Variants in TPP1 observed in about 807,000 individuals in gnomAD.
TPP1 encodes the protein tripeptidyl-peptidase 1.
TPP1 carries 43 observed loss-of-function variants against 67.6 expected under a neutral mutation model. That is an observed-to-expected ratio of 0.64 (90% CI 0.50 to 0.82). The LOEUF (loss-of-function observed/expected upper bound fraction) is 0.82. Ranked by LOEUF, TPP1 falls within the 40% of genes least tolerant of loss-of-function variation. The pLI, the probability that TPP1 is intolerant of heterozygous loss-of-function variation, is 0.00. For synonymous variants in TPP1, 272 were observed against 281.5 expected, an observed-to-expected ratio of 0.97 and a Z score of 0.34; for missense variants, 671 against 710.9, an observed-to-expected ratio of 0.94 and a Z score of 0.64.
chr11:6,615,925 G>T, intron 9 of TPP1, 80 bp downstream of exon 9: 3 of 1,494,506 alleles, frequency 2.0e-6, no homozygotes, highest in Non-Finnish European at 2.8e-6. Flanking sequence ...CACATGGTGG[G>T]GTCAAGACAA....
Position 6,615,527 on chromosome 11 carries a change from T to C in TPP1, c.1181A>G (p.Gln394Arg), listed in dbSNP as rs796053442. The C allele has an allele frequency of 1.2e-6, 2 of 1,614,168 alleles. No homozygotes were observed. The highest frequency in any genetic ancestry group is 1.7e-6 in the Non-Finnish European group (2 of 1,180,032). ...YVTTVGGTSF[Q>R]EPFLITNEIV... Reference sequence around the variant, plus strand: ...TTCATTTGTGATGAGGAAAGGTTCCTGGAAGGATGTGCCTCCCACTGTGGT... The same window carrying C: ...TTCATTTGTGATGAGGAAAGGTTCCCGGAAGGATGTGCCTCCCACTGTGGT... Residue 394 changes from glutamine to arginine, a missense_variant, in exon 10 of 13, where the codon CAG becomes CGG. Coordinates refer to ENST00000299427, the MANE Select transcript of TPP1 (RefSeq NM_000391.4).
chr11:6,614,778 T>C, intron 12 of TPP1, 88 bp downstream of exon 12: 1 of 1,613,702 alleles, frequency 6.2e-7, no homozygotes, highest in Admixed American at 1.7e-5. Flanking sequence ...TCAAAGGCTA[T>C]TCCACACCAC....
chr11:6,612,838 A>G lies in TPP1; in HGVS notation c.*1708T>C, dbSNP rs1037709693. On this transcript the variant is annotated 3_prime_UTR_variant, in exon 13 of 13. Transcript: ENST00000299427. Reference sequence around the variant, plus strand: ...CTAGGACCTGGGAACACAAAGTTAAATAGGACACGATTCTAGTCCTCTAGG... The same window carrying G: ...CTAGGACCTGGGAACACAAAGTTAAGTAGGACACGATTCTAGTCCTCTAGG... 2.0e-5 allele frequency: 3 copies of G among 152,674 alleles called. No individual in the cohort carries two copies. Among genetic ancestry groups the G allele is most frequent in the Admixed American group, 6.5e-5 (1 of 15,286 alleles). The allele number at this position is 152,674 out of a possible 1,614,324, so 9.5% of individuals were successfully genotyped here.
rs755740699 is a variant in TPP1, at chr11:6,616,872, T to A, written c.688-13A>T. The stretch of plus-strand genomic sequence containing the variant: ...ACTGCTCCAGGAACTATGGAGGGAG[T>A]CAGAGCAGAGATCGTGGGTCCGAGG... On this transcript the variant is annotated splice_polypyrimidine_tract_variant and intron_variant, in intron 6 of 12. Transcript: ENST00000299427. 6.2e-7 allele frequency: 1 copy of A among 1,612,066 alleles called. No individual in the cohort carries two copies. The highest frequency in any genetic ancestry group is 1.3e-5 in the African/African-American group (1 of 74,258).
chr11:6,616,439 C>G lies in TPP1; in HGVS notation c.951G>C (p.Leu317=), dbSNP rs576988866. The G allele has an allele frequency of 6.2e-7, 1 of 1,613,086 alleles. No homozygotes were observed. Among genetic ancestry groups the G allele is most frequent in the East Asian group, 2.2e-5 (1 of 44,852 alleles). ...CATAGCTCACAGTATGCACATGTGG[C>G]AGGGCTGACTCATTACTGAGCAGCA... is the stretch of plus-strand genomic sequence containing the variant. ...WLMLLSNESA[L]PHVHTVSYGD... is the part of the protein sequence containing the mutation. The change falls in exon 8 of 13, where the codon CTG becomes CTC. Residue 317 remains leucine (L), a synonymous_variant. Coordinates refer to ENST00000299427, the MANE Select transcript of TPP1 (RefSeq NM_000391.4).
In TPP1 at chr11:6,616,972, C is replaced by T; in HGVS notation, c.687+3G>A. The T allele has an allele frequency of 1.9e-6, 3 of 1,614,136 alleles. No individual in the cohort carries two copies. The highest frequency in any genetic ancestry group is 2.2e-5 in the South Asian group (2 of 91,086). On this transcript the variant is annotated splice_donor_region_variant and intron_variant, in intron 6 of 12. Coordinates refer to ENST00000299427, the MANE Select transcript of TPP1 (RefSeq NM_000391.4). ...GGACCCTGGGGCTCTTTGCTTGGCT[C>T]ACCTGGGCACAGGCTTGGCTGTTAT...
Position 6,618,891 on chromosome 11 carries a change from C to T in TPP1, c.114G>A (p.Leu38=). The T allele has an allele frequency of 6.2e-7, 1 of 1,613,708 alleles. No individual in the cohort carries two copies. Among genetic ancestry groups the T allele is most frequent in the Non-Finnish European group, 8.5e-7 (1 of 1,180,032 alleles). The change falls in exon 3 of 13, where the codon CTG becomes CTA. Residue 38 remains leucine, a synonymous_variant. Transcript: ENST00000299427. ...RRTLPPGWVS[L]GRADPEEELS... ...GCTCTTCCTCAGGGTCCGCACGGCC[C>T]AGGGACACCCAGCCTGGGGGCAGCC...
chr11:6,616,328 C>T lies in TPP1; in HGVS notation c.1062G>A (p.Leu354=). The change falls in exon 8 of 13, where the codon CTG becomes CTA. Residue 354 remains leucine (L), a synonymous_variant. Transcript: ENST00000299427. ...GTAGGAGGTCACCTGAGGCGAAGAG[C>T]AGGGTGAGACCCCGAGCGGCAGCCT... ...LMKAAARGLT[L]LFASGDSGAG... The T allele has an allele frequency of 7.4e-6, 12 of 1,613,238 alleles. No homozygotes were observed. The highest frequency in any genetic ancestry group is 1.1e-5 in the South Asian group (1 of 91,044).
At position 6,615,206 on chromosome 11, in the gene TPP1, T is replaced by G. The variant is rs1200146354; in HGVS notation, c.1390A>C (p.Asn464His). ...GACACCCATGGAATGGGCACTCTGTTGCTGACCACCCAGTAGCCATCAGAA... is the reference window on the plus strand; with the variant it reads ...GACACCCATGGAATGGGCACTCTGTGGCTGACCACCCAGTAGCCATCAGAA... ...ALSDGYWVVS[N>H]RVPIPWVSGT... The change falls in exon 11 of 13, where the codon AAC becomes CAC. Residue 464 changes from asparagine to histidine, a missense_variant. Asn to His is a moderately conservative substitution (Grantham distance 68). Coordinates refer to ENST00000299427, the MANE Select transcript of TPP1 (RefSeq NM_000391.4). 1 of 1,614,170 alleles carries G rather than the reference T, an allele frequency of 6.2e-7. No individual in the cohort carries two copies. Among genetic ancestry groups the G allele is most frequent in the Admixed American group, 1.7e-5 (1 of 60,034 alleles).
At position 6,618,918 on chromosome 11, in the gene TPP1, G is replaced by T; in HGVS notation, c.90-3C>A. 1 of 1,612,804 alleles carries T rather than the reference G, an allele frequency of 6.2e-7. No homozygotes were observed. ...GGGACACCCAGCCTGGGGGCAGCCT[G>T]TAGGGTCAGGGGTCAGGGACATGGC... On this transcript the variant is annotated splice_region_variant and splice_polypyrimidine_tract_variant and intron_variant, in intron 2 of 12. Coordinates refer to ENST00000299427, the MANE Select transcript of TPP1 (RefSeq NM_000391.4).
rs117942457 is a variant in TPP1 at position 6,614,923 on chromosome 11, G to C, written c.1494C>G (p.Pro498=). The stretch of plus-strand genomic sequence containing the variant: ...GCCTTGGGTTGAGAAAGCCAAGAGG[G>C]GGGCGGCCACTAAGGATCCTGTGCT... ...INEHRILSGR[P]PLGFLNPRLY... is the part of the protein sequence containing the mutation. Residue 498 remains proline, a synonymous_variant, in exon 12 of 13, where the codon CCC becomes CCG. Transcript: ENST00000299427. The C allele has an allele frequency of 1.2e-6, 2 of 1,614,110 alleles. No individual in the cohort carries two copies. The highest frequency in any genetic ancestry group is 1.1e-5 in the South Asian group (1 of 91,084).
Position 6,616,521 on chromosome 11 carries a change from T to C in TPP1, c.887-18A>G, listed in dbSNP as rs935526225. ...ATGCCGGCCTGGATTTTTTTTTTTT[T>C]TTTTTTTGAGGGATGGGCACAAAGA... is the stretch of plus-strand genomic sequence containing the variant. On this transcript the variant is annotated intron_variant, in intron 7 of 12. Coordinates refer to ENST00000299427, the MANE Select transcript of TPP1 (RefSeq NM_000391.4). 5.1e-6 allele frequency: 8 copies of C among 1,571,462 alleles called. No homozygotes were observed. The highest frequency in any genetic ancestry group is 6.0e-6 in the Non-Finnish European group (7 of 1,163,592).
intron 5 of TPP1, 29 bp downstream of exon 5, chr11:6,617,272 C>T (rs1411382538): frequency 6.2e-7 from 1 of 1,613,852 alleles, no homozygotes; most frequent in Non-Finnish European, 8.5e-7. Flanking sequence ...TCTGTGTGCC[C>T]CAACCCCCAT....
At position 6,619,207 on chromosome 11, in the gene TPP1, G is replaced by T. The variant is rs760252179; in HGVS notation, c.78C>A (p.Asp26Glu). ...CTAAGTCAACTCACGTCCTCCGCTGGTCGGGCTCCGGGCTGTAACTGCATT... is the reference window on the plus strand; with the variant it reads ...CTAAGTCAACTCACGTCCTCCGCTGTTCGGGCTCCGGGCTGTAACTGCATT... ...SGKCSYSPEP[D>E]QRRTLPPGWV... Residue 26 changes from aspartate (D) to glutamate (E), a missense_variant, in exon 2 of 13, where the codon GAC becomes GAA. Transcript: ENST00000299427. The T allele has an allele frequency of 6.2e-6, 10 of 1,614,080 alleles. No individual in the cohort carries two copies. The African/African-American group carries it at 1.2e-4, about 19-fold the overall frequency.
At chr11:6,616,155 T>C in intron 8 of TPP1, 81 bp from the exon 9 acceptor site, 1 of 1,594,568 alleles carries the variant, frequency 6.3e-7, no homozygotes, top group Non-Finnish European at 8.6e-7. Flanking sequence ...GGAAATTTGT[T>C]ACTGTAGGAG....
At chr11:6,619,063 G>A (rs1216026945) in intron 2 of TPP1, 133 bp downstream of exon 2, 1 of 1,471,220 alleles carries the variant, frequency 6.8e-7, no homozygotes, top group Non-Finnish European at 9.4e-7. Flanking sequence ...AGGGGACTGA[G>A]GCTAGGAACA....
At position 6,618,908 on chromosome 11, in the gene TPP1, G is replaced by A. The variant is rs1855627680; in HGVS notation, c.97C>T (p.Pro33Ser). 6.2e-7 allele frequency: 1 copy of A among 1,613,244 alleles called. No individual in the cohort carries two copies. The highest frequency in any genetic ancestry group is 8.5e-7 in the Non-Finnish European group (1 of 1,180,030). The change falls in exon 3 of 13, where the codon CCA (proline) becomes TCA (serine). Residue 33 changes from proline to serine, a missense_variant. By Grantham distance (74) the Pro-to-Ser change is moderately conservative. Coordinates refer to ENST00000299427, the MANE Select transcript of TPP1 (RefSeq NM_000391.4). ...PEPDQRRTLP[P>S]GWVSLGRADP... ...GCACGGCCCAGGGACACCCAGCCTG[G>A]GGGCAGCCTGTAGGGTCAGGGGTCA...
At chr11:6,617,264 T>C in intron 5 of TPP1, 37 bp downstream of exon 5, 3 of 1,613,896 alleles carry the variant, frequency 1.9e-6, no homozygotes, top group Non-Finnish European at 2.5e-6. Flanking sequence ...CCCCTGGATC[T>C]GTGTGCCCCA....
chr11:6,613,796 A>C lies in TPP1; in HGVS notation c.*750T>G, dbSNP rs757393698. 5.9e-5 allele frequency: 9 copies of C among 152,686 alleles called. No homozygotes were observed. The highest frequency in any genetic ancestry group is 1.0e-4 in the Non-Finnish European group (7 of 68,092). The allele number at this position is 152,686 out of a possible 1,614,324, so 9.5% of individuals were successfully genotyped here. ...CATTTACCAAGAAGAAACGAGATGGAATTGTTTGGGGTTGGGAAGGTGGAC... is the reference window on the plus strand; with the variant it reads ...CATTTACCAAGAAGAAACGAGATGGCATTGTTTGGGGTTGGGAAGGTGGAC... On this transcript the variant is annotated 3_prime_UTR_variant, in exon 13 of 13. Transcript: ENST00000299427.
Sources: allele counts gnomAD v4.1 joint callset, GRCh38; gene constraint gnomAD v4.1.1; transcripts MANE v1.5; gene names NCBI Gene and HGNC (gene_info 2026-07-23, HGNC 2026-07-21).